Variants in ZNF155 observed in about 807,000 individuals in gnomAD.
The protein encoded by ZNF155 is KRAB A domain.
A neutral mutation model predicts 11.9 loss-of-function variants in ZNF155; 15 were observed. The observed-to-expected ratio is 1.26, with a 90% CI of 0.84 to 1.94. ZNF155 has a LOEUF of 1.94. Ranked by LOEUF, ZNF155 falls within the 30% of genes most tolerant of loss-of-function variation. The pLI, the probability that ZNF155 is intolerant of heterozygous loss-of-function variation, is 0.00. For missense variants in ZNF155, 602 were observed against 639.1 expected (o/e 0.94, Z 0.63); for synonymous variants, 212 against 219.9 (o/e 0.96, Z 0.32).
At position 43,996,955 on chromosome 19, in the gene ZNF155, C is replaced by G. The variant is rs1975905199; in HGVS notation, c.1098C>G (p.His366Gln). The G allele has an allele frequency of 1.9e-6, 3 of 1,610,112 alleles. No homozygotes were observed. Among genetic ancestry groups the G allele is most frequent in the Non-Finnish European group, 2.5e-6 (3 of 1,177,500 alleles). The change falls in exon 5 of 5, where the codon CAC becomes CAG. Residue 366 changes from histidine (H) to glutamine (Q), a missense_variant. Transcript: ENST00000270014. ...RLDFYKHQVV[H>Q]TGEKPYNCKE... is the part of the protein sequence containing the mutation. ...ATTTTTATAAGCATCAGGTGGTCCA[C>G]ACAGGAGAAAAACCATATAATTGTA...
rs1000918203 is a variant in ZNF155, at chr19:43,986,454, T to G, written c.-85-2005T>G. Among the ~76,000 whole-genome samples, 174 of 149,814 alleles carry G rather than the reference T, an allele frequency of 1.2e-3. 1 individual carries two copies. The highest frequency in any genetic ancestry group is 4.1e-3 in the African/African-American group (165 of 40,714). On this transcript the variant is annotated intron_variant, in intron 1 of 4. Coordinates refer to ENST00000270014, the MANE Select transcript of ZNF155 (RefSeq NM_198089.3). Reference sequence around the variant, plus strand: ...CCAATATTATTCCCATTTGTGTTTTTTTTTTTTTTTTTTTAGACGGAGTCT... The same window carrying G: ...CCAATATTATTCCCATTTGTGTTTTGTTTTTTTTTTTTTTAGACGGAGTCT...
Position 43,996,947 on chromosome 19 carries a change from G to A in ZNF155, c.1090G>A (p.Val364Met), listed in dbSNP as rs1403394981. The change falls in exon 5 of 5, where the codon GTG becomes ATG. Residue 364 changes from valine to methionine, a missense_variant. Val to Met is a conservative substitution (Grantham distance 21). Coordinates refer to ENST00000270014, the MANE Select transcript of ZNF155 (RefSeq NM_198089.3). ...IGRLDFYKHQVVHTGEKPYNC... is the reference protein window; with the variant it reads ...IGRLDFYKHQMVHTGEKPYNC... ...TAGGCTAGATTTTTATAAGCATCAG[G>A]TGGTCCACACAGGAGAAAAACCATA... The A allele has an allele frequency of 4.3e-6, 7 of 1,609,254 alleles. No individual in the cohort carries two copies. The highest frequency in any genetic ancestry group is 2.2e-5 in the East Asian group (1 of 44,556).
At chr19:43,985,741 C>T (rs1975419125) in intron 1 of ZNF155, among the ~76,000 whole-genome samples, 1 of 151,936 alleles carries the variant, frequency 6.6e-6, no homozygotes, top group Non-Finnish European at 1.5e-5. Flanking sequence ...GGGGTTTCAC[C>T]GTTTTGGTCA....
chr19:43,997,297 G>GA lies in ZNF155; in HGVS notation c.1446dup (p.Pro483ThrfsTer5), dbSNP rs539072881. On this transcript the variant is annotated frameshift_variant, in exon 5 of 5. Coordinates refer to ENST00000270014, the MANE Select transcript of ZNF155 (RefSeq NM_198089.3). LOFTEE classifies it low-confidence loss of function (END_TRUNC). ...TGAATCATAAGAGACTCCACTGCCA[G>GA]AAAAAACCATTCAAATGTGAGGACT... 6.5e-5 allele frequency: 105 copies of GA among 1,614,030 alleles called. No individual in the cohort carries two copies. The highest frequency in any genetic ancestry group is 7.7e-5 in the South Asian group (7 of 91,076).
rs2147402325 is a variant in ZNF155 at position 43,996,382 on chromosome 19, T to G, written c.525T>G (p.Ser175=). 6.2e-7 allele frequency: 1 copy of G among 1,614,208 alleles called. No individual in the cohort carries two copies. Among genetic ancestry groups the G allele is most frequent in the Non-Finnish European group, 8.5e-7 (1 of 1,180,030 alleles). Residue 175 remains serine (S), a synonymous_variant, in exon 5 of 5, where the codon TCT becomes TCG. Transcript: ENST00000270014. ...LPQQLYSEEK[S]YTCDECGKSI... The stretch of plus-strand genomic sequence containing the variant: ...AGCAGTTATACTCAGAAGAGAAGTC[T>G]TATACATGTGATGAGTGTGGAAAAA...
At chr19:43,994,192 T>C (rs985519098) in intron 4 of ZNF155, among the ~76,000 whole-genome samples, 3 of 152,240 alleles carry the variant, frequency 2.0e-5, no homozygotes, top group Non-Finnish European at 4.4e-5. Context: ...TTTTTGATTG[T>C]CTGCTCAGGA....
At chr19:43,991,514 A>T (rs1254819173) in intron 2 of ZNF155, 34 bp from the exon 3 acceptor site, 2 of 1,613,930 alleles carry the variant, frequency 1.2e-6, no homozygotes, top group Non-Finnish European at 1.7e-6. Context: ...GTCCTTGGTC[A>T]TAAGATTGAA....
In ZNF155 at chr19:43,996,472, G is replaced by A. The variant is rs747271569; in HGVS notation, c.615G>A (p.Met205Ile). The A allele has an allele frequency of 2.5e-6, 4 of 1,614,152 alleles. No individual in the cohort carries two copies. In the South Asian group the frequency reaches 3.3e-5, roughly 13 times the overall value. The change falls in exon 5 of 5, where the codon ATG (methionine) becomes ATA (isoleucine). Residue 205 changes from methionine (M) to isoleucine (I), a missense_variant. Coordinates refer to ENST00000270014, the MANE Select transcript of ZNF155 (RefSeq NM_198089.3). ...QRVHVGEKLF[M>I]CDVCGKEFSQ... is the part of the protein sequence containing the mutation. ...TCCACGTGGGAGAGAAACTCTTTATGTGTGATGTGTGTGGCAAGGAATTTA... is the reference window on the plus strand; with the variant it reads ...TCCACGTGGGAGAGAAACTCTTTATATGTGATGTGTGTGGCAAGGAATTTA...
At chr19:43,989,413 C>T (rs886795800) in intron 2 of ZNF155, among the ~76,000 whole-genome samples, 3 of 129,194 alleles carry the variant, frequency 2.3e-5, no homozygotes, top group Non-Finnish European at 4.8e-5. Flanking sequence ...TACTCCTCAG[C>T]GCAGCGGAAT....
At chr19:43,985,021 C>CT (rs1222849117) in intron 1 of ZNF155, among the ~76,000 whole-genome samples, 1 of 152,030 alleles carries the variant, frequency 6.6e-6, no homozygotes, top group East Asian at 1.9e-4. Context: ...TGGCTTTTCT[C>CT]TTTTTAAAAA....
intron 1 of ZNF155, among the ~76,000 whole-genome samples, chr19:43,985,488 C>T (rs1394229932): frequency 6.7e-6 from 1 of 150,120 alleles, no homozygotes; most frequent in Non-Finnish European, 1.5e-5. Context: ...GAAATAAATA[C>T]ATTTACGCCA....
intron 4 of ZNF155, among the ~76,000 whole-genome samples, chr19:43,993,963 T>C (rs1268118652): frequency 6.6e-6 from 1 of 152,192 alleles, no homozygotes; most frequent in Non-Finnish European, 1.5e-5. Flanking sequence ...TGCCTGTAGA[T>C]GTGTATGAGT....
intron 4 of ZNF155, among the ~76,000 whole-genome samples, chr19:43,995,400 C>G (rs1426969036): frequency 7.4e-6 from 1 of 135,110 alleles, no homozygotes; most frequent in Admixed American, 8.9e-5. Context: ...GCCACTGCAT[C>G]CAGCACTTTT....
In ZNF155 at chr19:43,997,157, G is replaced by A. The variant is rs769526888; in HGVS notation, c.1300G>A (p.Gly434Arg). The change falls in exon 5 of 5, where the codon GGG becomes AGG. Residue 434 changes from glycine (G) to arginine (R), a missense_variant. Physicochemically the swap from Gly to Arg is moderately radical, Grantham distance 125. Coordinates refer to ENST00000270014, the MANE Select transcript of ZNF155 (RefSeq NM_198089.3). The stretch of plus-strand genomic sequence containing the variant: ...AAAGCCATATAAATGTGAGGAGTGT[G>A]GGAAGGGCTATGTTACTAAGTTTAA... ...GEKPYKCEEC[G>R]KGYVTKFNLD... 6.2e-7 allele frequency: 1 copy of A among 1,614,086 alleles called. No homozygotes were observed.
In ZNF155 at chr19:43,997,249, C is replaced by A. The variant is rs1171053347; in HGVS notation, c.1392C>A (p.Asn464Lys). The change falls in exon 5 of 5, where the codon AAC (asparagine) becomes AAA (lysine). Residue 464 changes from asparagine (N) to lysine (K), a missense_variant. Coordinates refer to ENST00000270014, the MANE Select transcript of ZNF155 (RefSeq NM_198089.3). ...RPYNCKECGK[N>K]FSRASSILNH... ...ATAATTGTAAGGAATGTGGGAAGAA[C>A]TTTAGCCGGGCCTCAAGTATTTTGA... 1 of 1,614,090 alleles carries A rather than the reference C, an allele frequency of 6.2e-7. No homozygotes were observed. The highest frequency in any genetic ancestry group is 2.2e-5 in the East Asian group (1 of 44,870).
Position 43,996,561 on chromosome 19 carries a change from A to C in ZNF155, c.704A>C (p.Glu235Ala). The C allele has an allele frequency of 6.2e-7, 1 of 1,614,178 alleles. No individual in the cohort carries two copies. Among genetic ancestry groups the C allele is most frequent in the East Asian group, 2.2e-5 (1 of 44,884 alleles). The change falls in exon 5 of 5, where the codon GAG (glutamate) becomes GCG (alanine). Residue 235 changes from glutamate (E) to alanine (A), a missense_variant. Glu to Ala is a moderately radical substitution (Grantham distance 107, BLOSUM62 -1). Coordinates refer to ENST00000270014, the MANE Select transcript of ZNF155 (RefSeq NM_198089.3). Reference sequence around the variant, plus strand: ...ACTGGAGAGAAACCATTCAAATGTGAGCAATGTGGGAAAGGTTTCAGTCGT... The same window carrying C: ...ACTGGAGAGAAACCATTCAAATGTGCGCAATGTGGGAAAGGTTTCAGTCGT... ...VHTGEKPFKC[E>A]QCGKGFSRRS...
chr19:43,995,558 A>G (rs1046481583), intron 4 of ZNF155, among the ~76,000 whole-genome samples: 1 of 151,680 alleles, frequency 6.6e-6, no homozygotes, highest in African/African-American at 2.4e-5. Context: ...TAATTTATGT[A>G]TTTTTAGTAG....
At chr19:43,995,803 TATC>T (rs1381779788) in intron 4 of ZNF155, among the ~76,000 whole-genome samples, 3 of 152,364 alleles carry the variant, frequency 2.0e-5, no homozygotes, top group African/African-American at 7.2e-5. Flanking sequence ...TTTCATAATT[TATC>T]ATGCAAGATT....
intron 4 of ZNF155, among the ~76,000 whole-genome samples, chr19:43,992,514 A>C (rs888454000): frequency 1.3e-5 from 2 of 152,224 alleles, no homozygotes; most frequent in Non-Finnish European, 2.9e-5. Context: ...TTGGTTTACC[A>C]GTGTCTAGGC....
Sources: gnomAD v4.1 joint callset for allele counts (sites outside exome capture counted in the v4.1 genomes callset) on GRCh38, gnomAD v4.1.1 for gene constraint, MANE v1.5 for transcripts, NCBI Gene and HGNC (gene_info 2026-07-23, HGNC 2026-07-21) for gene names.